Variants in ARHGAP12 observed in about 807,000 individuals in gnomAD.
The protein encoded by ARHGAP12 is rho GTPase-activating protein 12.
Under a neutral mutation model 108.6 loss-of-function variants are expected in ARHGAP12, and 64 were observed. The observed-to-expected ratio is 0.59, with a 90% CI of 0.48 to 0.73. The LOEUF is 0.73. ARHGAP12 is among the 30% of genes least tolerant of loss of function. The pLI is 0.00. For missense variants in ARHGAP12, 940 were observed against 1,005.9 expected (o/e 0.93, Z 0.89); for synonymous variants, 312 against 337.2 (o/e 0.93, Z 0.82).
chr10:31,841,164 TAC>T (rs1324625769), intron 7 of ARHGAP12, among the ~76,000 whole-genome samples: 71 of 152,286 alleles, frequency 4.7e-4, no homozygotes, highest in African/African-American at 1.5e-3. Context: ...TTTACATGTA[TAC>T]ATTTATCTAT....
intron 3 of ARHGAP12, among the ~76,000 whole-genome samples, chr10:31,890,060 T>G (rs1311009844): frequency 1.3e-5 from 2 of 152,156 alleles, no homozygotes; most frequent in Non-Finnish European, 2.9e-5. Context: ...TACCTCTTTT[T>G]GTGTCTGGGT....
intron 11 of ARHGAP12, among the ~76,000 whole-genome samples, chr10:31,823,986 T>A (rs1392067742): frequency 6.6e-6 from 1 of 152,206 alleles, no homozygotes; most frequent in African/African-American, 2.4e-5. Flanking sequence ...TTCCTTTCAA[T>A]AATCCCAATT....
At position 31,807,650 on chromosome 10, in the gene ARHGAP12, A is replaced by G. The variant is rs748018444; in HGVS notation, c.*8T>C. On this transcript the variant is annotated 3_prime_UTR_variant, in exon 20 of 20. Coordinates refer to ENST00000344936, the MANE Select transcript of ARHGAP12 (RefSeq NM_018287.7). Reference sequence around the variant, plus strand: ...AGCTTCTATTCCACAGGTTGTCTTCAGTAAGAATCAACGTCCGAAGATGGA... The same window carrying G: ...AGCTTCTATTCCACAGGTTGTCTTCGGTAAGAATCAACGTCCGAAGATGGA... 18 of 1,594,456 alleles carry G rather than the reference A, an allele frequency of 1.1e-5. No individual in the cohort carries two copies. The Admixed American group carries it at 2.4e-4, about 21-fold the overall frequency.
intron 4 of ARHGAP12, among the ~76,000 whole-genome samples, chr10:31,860,044 T>C (rs1837057665): frequency 6.6e-6 from 1 of 152,190 alleles, no homozygotes; most frequent in Admixed American, 6.5e-5. Context: ...AGTGCTAGAA[T>C]TACAGGCATG....
intron 1 of ARHGAP12, 87 bp downstream of exon 1, chr10:31,928,596 G>C (rs1428257960): frequency 1.3e-5 from 2 of 152,768 alleles, no homozygotes; most frequent in Admixed American, 1.3e-4. Context: ...ACCGCCCTCG[G>C]CGGGCACAGC....
intron 3 of ARHGAP12, among the ~76,000 whole-genome samples, chr10:31,904,034 CTG>C: frequency 2.6e-5 from 4 of 152,288 alleles, no homozygotes; most frequent in Admixed American, 2.6e-4. Flanking sequence ...TACTGTCACT[CTG>C]TAAAAACACT....
Position 31,923,694 on chromosome 10 carries a change from C to A in ARHGAP12, c.-111+4989G>T, listed in dbSNP as rs114256198. Among the ~76,000 whole-genome samples the A allele has an allele frequency of 6.3e-3, 964 of 152,210 alleles. 18 individuals are homozygous for A. Among genetic ancestry groups the A allele is most frequent in the African/African-American group, 0.022 (923 of 41,532 alleles). On this transcript the variant is annotated intron_variant, in intron 1 of 19. Transcript: ENST00000344936. ...AATCCAGACCAGAATCCATAGTACA[C>A]GAGTCCATCTGCATAAAATTCTAGA...
intron 10 of ARHGAP12, 44 bp from the exon 11 acceptor site, chr10:31,826,429 C>A (rs199766158): frequency 6.5e-7 from 1 of 1,537,528 alleles, no homozygotes; most frequent in Admixed American, 1.9e-5. Flanking sequence ...ATCTCGAGTT[C>A]TTTCAGCCAA....
At chr10:31,808,037 C>A (rs186662286) in intron 19 of ARHGAP12, among the ~76,000 whole-genome samples, 5 of 152,192 alleles carry the variant, frequency 3.3e-5, no homozygotes, top group Admixed American at 2.6e-4. Context: ...CTGAAAGATA[C>A]AATTAAGCAT....
Position 31,852,596 on chromosome 10 carries a change from C to T in ARHGAP12, c.1091G>A (p.Trp364Ter). 6.2e-7 allele frequency: 1 copy of T among 1,610,362 alleles called. No homozygotes were observed. Among genetic ancestry groups the T allele is most frequent in the Non-Finnish European group, 8.5e-7 (1 of 1,176,914 alleles). Residue 364 changes from tryptophan to a stop codon, truncating the protein, a stop_gained and splice_region_variant, in exon 6 of 20, where the codon TGG (tryptophan) becomes TAG (stop). Transcript: ENST00000344936. LOFTEE classifies it high-confidence loss of function. ...ACCTTGATCATCAACATGCTTGAGC[C>T]ACTATAAAAACAGAACAGGTGTTTT... Reference protein sequence around the residue: ...LYTSDYTNEKWLKHVDDQGRQ... With the variant: ...LYTSDYTNEK
chr10:31,911,218 T>C (rs1270984779), intron 1 of ARHGAP12, among the ~76,000 whole-genome samples: 1 of 152,108 alleles, frequency 6.6e-6, no homozygotes, highest in Non-Finnish European at 1.5e-5. Flanking sequence ...GAGATGGGGT[T>C]TTGCCATGTT....
In ARHGAP12 at chr10:31,805,767, T is replaced by C. The variant is rs1012631374; in HGVS notation, c.*1891A>G. On this transcript the variant is annotated 3_prime_UTR_variant, in exon 20 of 20. Coordinates refer to ENST00000344936, the MANE Select transcript of ARHGAP12 (RefSeq NM_018287.7). Reference sequence around the variant, plus strand: ...ACCAAGAACAAGAACATCACTGATTTGAGTCTAATTGTTTTCCTGGTATAC... The same window carrying C: ...ACCAAGAACAAGAACATCACTGATTCGAGTCTAATTGTTTTCCTGGTATAC... 2.6e-5 allele frequency: 4 copies of C among 152,046 alleles called. No homozygotes were observed. Among genetic ancestry groups the C allele is most frequent in the African/African-American group, 9.7e-5 (4 of 41,380 alleles). The allele number at this position is 152,046 out of a possible 1,614,324, so 9.4% of individuals were successfully genotyped here.
chr10:31,844,715 G>A (rs879261750), intron 6 of ARHGAP12, among the ~76,000 whole-genome samples: 1 of 48,172 alleles, frequency 2.1e-5, no homozygotes, highest in African/African-American at 8.5e-5. Flanking sequence ...TTTTTTTTTT[G>A]TAGAGCCAAA....
chr10:31,828,957 G>A (rs1246720495), intron 10 of ARHGAP12, among the ~76,000 whole-genome samples: 1 of 152,138 alleles, frequency 6.6e-6, no homozygotes, highest in East Asian at 1.9e-4. Context: ...TTCAAGACCA[G>A]CCTGGTCAAA....
chr10:31,843,991 A>C (rs925375529), intron 6 of ARHGAP12, among the ~76,000 whole-genome samples: 1 of 152,162 alleles, frequency 6.6e-6, no homozygotes, highest in Non-Finnish European at 1.5e-5. Context: ...AAATCAGACA[A>C]ATTATTTTTT....
chr10:31,814,293 T>C lies in ARHGAP12; in HGVS notation c.1800A>G (p.Lys600=). 6.2e-6 allele frequency: 10 copies of C among 1,614,108 alleles called. No individual in the cohort carries two copies. The East Asian group carries it at 2.2e-4, about 36-fold the overall frequency. ...PDSPGIEKHD[K]EKEQKDPKKL... ...TTTTGGGATCCTTTTGTTCCTTTTC[T>C]TTATCATGCTTTTCTATTCCTGGTG... Residue 600 remains lysine (K), a synonymous_variant, in exon 14 of 20, where the codon AAA becomes AAG. Coordinates refer to ENST00000344936, the MANE Select transcript of ARHGAP12 (RefSeq NM_018287.7).
intron 4 of ARHGAP12, among the ~76,000 whole-genome samples, chr10:31,859,161 T>C (rs1040668738): frequency 2.0e-5 from 3 of 151,746 alleles, no homozygotes; most frequent in South Asian, 2.1e-4. Context: ...ATAGACACAA[T>C]AGGAACATGG....
rs562016061 is a variant in ARHGAP12 at position 31,912,507 on chromosome 10, T to G, written c.-110-1944A>C. 2.6e-5 allele frequency among the ~76,000 whole-genome samples: 4 copies of G among 152,242 alleles called. No homozygotes were observed. The South Asian group carries it at 8.3e-4, about 32-fold the overall frequency. ...CCCACAGTGACTACAAAGATAAGTA[T>G]GAAGGAGGAGTTAGGGAGAAAGATA... On this transcript the variant is annotated intron_variant, in intron 1 of 19. Transcript: ENST00000344936.
rs1236659482 is a variant in ARHGAP12, at chr10:31,831,131, C to T, written c.1448+608G>A. ...AATGATAAACAACTGACATGTCTAC[C>T]AATAGACAAGTGTAGTTTAAAACGT... On this transcript the variant is annotated intron_variant, in intron 10 of 19. Transcript: ENST00000344936. 2.0e-5 allele frequency among the ~76,000 whole-genome samples: 3 copies of T among 152,140 alleles called. No individual in the cohort carries two copies. In the South Asian group the frequency reaches 6.2e-4, roughly 32 times the overall value.
Sources: allele counts gnomAD v4.1 joint callset (sites outside exome capture counted in the v4.1 genomes callset), GRCh38; gene constraint gnomAD v4.1.1; transcripts MANE v1.5; gene names NCBI Gene and HGNC (gene_info 2026-07-23, HGNC 2026-07-21).